Variants in GLI3 observed in about 807,000 individuals in gnomAD.
GLI3 encodes the protein GLI family zinc finger 3.
In GLI3, 20 loss-of-function variants were observed where a neutral mutation model predicts 100.8. That is an observed-to-expected ratio of 0.20 (90% CI 0.14 to 0.29). The LOEUF (loss-of-function observed/expected upper bound fraction) is 0.29. Among genes scored for constraint, GLI3 ranks in the 10% least tolerant of loss-of-function variants. GLI3 has a pLI of 1.00. For missense variants in GLI3, 2,040 were observed against 2,128.5 expected (o/e 0.96, Z 0.82); for synonymous variants, 938 against 860.5 (o/e 1.09, Z -1.58).
At chr7:42,251,571 G>A (rs895806349) in intron 1 of GLI3, among the ~76,000 whole-genome samples, 4 of 152,134 alleles carry the variant, frequency 2.6e-5, no homozygotes, top group Non-Finnish European at 5.9e-5. Flanking sequence ...ACTAGGCTAA[G>A]GGAAGGATAA....
chr7:42,083,798 T>C (rs970796933), intron 3 of GLI3, among the ~76,000 whole-genome samples: 2 of 152,246 alleles, frequency 1.3e-5, no homozygotes, highest in Non-Finnish European at 2.9e-5. Context: ...AAAGTGTTCA[T>C]ATTAATCATT....
intron 10 of GLI3, among the ~76,000 whole-genome samples, chr7:41,999,687 C>T (rs2128721275): frequency 6.6e-6 from 1 of 152,326 alleles, no homozygotes; most frequent in Middle Eastern, 3.4e-3. Context: ...GGGGCCACTC[C>T]TTGGCGACCT....
chr7:42,256,645 C>T (rs192101727), intron 1 of GLI3, among the ~76,000 whole-genome samples: 26 of 152,262 alleles, frequency 1.7e-4, no homozygotes, highest in Admixed American at 6.5e-4. Flanking sequence ...ATCCATATGC[C>T]TATCCTGCAT....
Position 42,121,580 on chromosome 7 carries a change from C to T in GLI3, c.367+26646G>A, listed in dbSNP as rs117441279. On this transcript the variant is annotated intron_variant, in intron 3 of 14. Coordinates refer to ENST00000395925, the MANE Select transcript of GLI3 (RefSeq NM_000168.6). ...TCCATGTAGAATTCCCAAGCCCCTG[C>T]CCTCTCTTCCACATTGGTCTTTGCC... 1.9e-4 allele frequency among the ~76,000 whole-genome samples: 29 copies of T among 152,328 alleles called. No individual in the cohort carries two copies. In the East Asian group the frequency reaches 5.0e-3, roughly 26 times the overall value.
chr7:42,100,578 TA>T (rs76401231), intron 3 of GLI3, among the ~76,000 whole-genome samples: 11,191 of 110,478 alleles, frequency 0.1, 935 homozygotes, highest in African/African-American at 0.29. Flanking sequence ...TCTACAAACA[TA>T]AAAAAAAAAA....
rs1194196437 is a variant in GLI3 at position 41,963,560 on chromosome 7, G to A, written c.*770C>T. The A allele has an allele frequency of 6.6e-6, 1 of 152,232 alleles. No homozygotes were observed. The highest frequency in any genetic ancestry group is 2.4e-5 in the African/African-American group (1 of 41,434). 9.4% of individuals were successfully genotyped at this position (152,232 alleles called of 1,614,324 possible). A position where few individuals can be genotyped will look rare whatever the true frequency, so the allele number is the denominator to read the frequency against. On this transcript the variant is annotated 3_prime_UTR_variant, in exon 15 of 15. Coordinates refer to ENST00000395925, the MANE Select transcript of GLI3 (RefSeq NM_000168.6). The stretch of plus-strand genomic sequence containing the variant: ...GCACTGAATGTTCATGAAGGTAGTG[G>A]GAGGAGAGGCAAATGTGATAACTGA...
At chr7:42,116,264 T>C (rs1785852755) in intron 3 of GLI3, among the ~76,000 whole-genome samples, 1 of 152,128 alleles carries the variant, frequency 6.6e-6, no homozygotes, top group African/African-American at 2.4e-5. Flanking sequence ...CTCTGCGTTT[T>C]GAACAGCAGC....
At chr7:41,973,139 C>A (rs972360659) in intron 12 of GLI3, among the ~76,000 whole-genome samples, 3 of 152,228 alleles carry the variant, frequency 2.0e-5, no homozygotes, top group African/African-American at 7.2e-5. Flanking sequence ...TATTTATGCA[C>A]AGGCATAATT....
At chr7:42,088,868 C>A (rs1785158951) in intron 3 of GLI3, among the ~76,000 whole-genome samples, 1 of 152,190 alleles carries the variant, frequency 6.6e-6, no homozygotes, top group Non-Finnish European at 1.5e-5. Context: ...TTCCCTGAGG[C>A]CTCAAGCTCT....
intron 3 of GLI3, among the ~76,000 whole-genome samples, chr7:42,083,098 G>A (rs1785030667): frequency 6.6e-6 from 1 of 152,094 alleles, no homozygotes; most frequent in African/African-American, 2.4e-5. Context: ...CATTGCTTTT[G>A]ACTATAGTCA....
At chr7:42,210,631 T>C (rs571835628) in intron 2 of GLI3, among the ~76,000 whole-genome samples, 9 of 152,222 alleles carry the variant, frequency 5.9e-5, no homozygotes, top group African/African-American at 2.2e-4. Flanking sequence ...TCTGAACTTT[T>C]TGAAAAAGTA....
chr7:42,159,973 T>A (rs1787094835), intron 2 of GLI3, among the ~76,000 whole-genome samples: 1 of 152,172 alleles, frequency 6.6e-6, no homozygotes, highest in African/African-American at 2.4e-5. Flanking sequence ...CAGCACAGTG[T>A]AATAAAAGGA....
chr7:41,974,767 T>C (rs989498916), intron 12 of GLI3, among the ~76,000 whole-genome samples: 2 of 152,236 alleles, frequency 1.3e-5, no homozygotes, highest in East Asian at 1.9e-4. Context: ...CCAGGATGCA[T>C]GGAACATAGT....
intron 10 of GLI3, among the ~76,000 whole-genome samples, chr7:42,017,500 A>G (rs1464458895): frequency 1.3e-5 from 2 of 152,122 alleles, no homozygotes; most frequent in East Asian, 3.9e-4. Flanking sequence ...GCCCACCCCA[A>G]ACTCCCTCCC....
rs1372552953 is a variant in GLI3 at position 41,972,596 on chromosome 7, G to A, written c.1844C>T (p.Thr615Ile). 1.9e-6 allele frequency: 3 copies of A among 1,607,358 alleles called. No individual in the cohort carries two copies. The Admixed American group carries it at 5.0e-5, about 27-fold the overall frequency. ...GGAGCTTGGGTCTGTGTAACGCTTA[G>A]TGCAGCCTGGGATTTTGCACACATA... ...KPYVCKIPGC[T>I]KRYTDPSSLR... The change falls in exon 13 of 15, where the codon ACT (threonine) becomes ATT (isoleucine). Residue 615 changes from threonine to isoleucine, a missense_variant. Transcript: ENST00000395925. The surrounding 1 kb of genome is among the most constrained non-coding windows in gnomAD (Gnocchi z 4.4).
intron 10 of GLI3, among the ~76,000 whole-genome samples, chr7:42,015,460 T>G (rs1158314756): frequency 2.0e-5 from 3 of 151,976 alleles, no homozygotes; most frequent in African/African-American, 4.8e-5. Flanking sequence ...AGCCTAAATA[T>G]CCCCAAATCT....
intron 10 of GLI3, among the ~76,000 whole-genome samples, chr7:41,993,400 C>T (rs1298134219): frequency 6.6e-6 from 1 of 152,144 alleles, no homozygotes; most frequent in South Asian, 2.1e-4. Flanking sequence ...TCGCCCCGCT[C>T]GATCCTGGTC....
intron 1 of GLI3, among the ~76,000 whole-genome samples, chr7:42,230,525 AG>A: frequency 6.6e-6 from 1 of 152,378 alleles, no homozygotes; most frequent in Non-Finnish European, 1.5e-5. Flanking sequence ...ACCACTGAAA[AG>A]CTTATTTGAC....
intron 3 of GLI3, among the ~76,000 whole-genome samples, chr7:42,142,831 C>CG (rs1562754965): frequency 1.4e-5 from 2 of 146,580 alleles, no homozygotes; most frequent in African/African-American, 2.5e-5. Context: ...CCCAGCTACT[C>CG]GGGAGGCTGA....
Sources: allele counts gnomAD v4.1 joint callset (sites outside exome capture counted in the v4.1 genomes callset), GRCh38; gene constraint gnomAD v4.1.1; non-coding constraint Gnocchi (gnomAD v3.1); transcripts MANE v1.5; gene names NCBI Gene and HGNC (gene_info 2026-07-23, HGNC 2026-07-21).